The following ANKRD61 variants were observed in gnomAD, a reference collection of about 807,000 sequenced individuals.
ANKRD61 encodes ankyrin repeat domain 61, also known as ankyrin repeat domain-containing protein 61.
Under a neutral mutation model 8.4 loss-of-function variants are expected in ANKRD61, and 7 were observed. The ratio of observed to expected loss-of-function variants is 0.84; its 90% CI spans 0.48 to 1.57. The LOEUF is 1.57. Among genes scored for constraint, ANKRD61 ranks in the 40% most tolerant of loss-of-function variants. The pLI is 0.00. For synonymous variants in ANKRD61, 198 were observed against 208.0 expected, an observed-to-expected ratio of 0.95 and a Z score of 0.41; for missense variants, 516 against 523.4, an observed-to-expected ratio of 0.99 and a Z score of 0.14.
Position 6,031,965 on chromosome 7 carries a change from G to A in ANKRD61, c.216+374G>A, listed in dbSNP as rs181349132. Among the ~76,000 whole-genome samples the A allele has an allele frequency of 6.2e-4, 94 of 152,314 alleles. 2 individuals carry two copies. The East Asian group carries it at 7.5e-3, about 12-fold the overall frequency. On this transcript the variant is annotated intron_variant, in intron 1 of 2. Coordinates refer to ENST00000409061, the MANE Select transcript of ANKRD61 (RefSeq NM_001271700.2). ...GAGGTGGGTGGATCACCTGAGGTCAGGAGTTCGAGACCAGCCTGGCCAGCA... is the reference window on the plus strand; with the variant it reads ...GAGGTGGGTGGATCACCTGAGGTCAAGAGTTCGAGACCAGCCTGGCCAGCA...
chr7:6,034,668 G>A (rs545536624), intron 2 of ANKRD61, among the ~76,000 whole-genome samples: 4 of 152,192 alleles, frequency 2.6e-5, no homozygotes, highest in African/African-American at 4.8e-5. Flanking sequence ...AGGGCCTCAC[G>A]CTAAACAAAT....
chr7:6,032,739 A>T lies in ANKRD61; in HGVS notation c.217-100A>T. ...ACCAGAAAAAGAGTGAGCCAATGAG[A>T]CACTAAATAAATGTATTGCCTTTGA... On this transcript the variant is annotated intron_variant, in intron 1 of 2. Coordinates refer to ENST00000409061, the MANE Select transcript of ANKRD61 (RefSeq NM_001271700.2). The surrounding 1 kb of genome is among the most constrained non-coding windows in gnomAD (Gnocchi z 4.3). 1 of 911,206 alleles carries T rather than the reference A, an allele frequency of 1.1e-6. No homozygotes were observed. Among genetic ancestry groups the T allele is most frequent in the Admixed American group, 2.4e-5 (1 of 42,180 alleles). The allele number at this position is 911,206 out of a possible 1,614,324, so 56.4% of individuals were successfully genotyped here. A position where few individuals can be genotyped will look rare whatever the true frequency, so the allele number is the denominator to read the frequency against.
chr7:6,035,884 G>A lies in ANKRD61; in HGVS notation c.755G>A (p.Arg252Gln), dbSNP rs560649372. ...AVCTASSKAG[R>Q]LLGAGVSCIR... is the part of the protein sequence containing the mutation. ...TGCACTGCATCAAGCAAAGCAGGCCGACTCCTCGGGGCGGGGGTCAGCTGC... is the reference window on the plus strand; with the variant it reads ...TGCACTGCATCAAGCAAAGCAGGCCAACTCCTCGGGGCGGGGGTCAGCTGC... The change falls in exon 3 of 3, where the codon CGA (arginine) becomes CAA (glutamine). Residue 252 changes from arginine to glutamine, a missense_variant. Physicochemically the swap from Arg to Gln is conservative, Grantham distance 43. Transcript: ENST00000409061. This position sits in a 1 kb window ranked among gnomAD's most constrained non-coding sequence, Gnocchi z 5.5. 41 of 1,546,620 alleles carry A rather than the reference G, an allele frequency of 2.7e-5. 1 individual carries two copies. Among genetic ancestry groups the A allele is most frequent in the South Asian group, 3.6e-5 (3 of 83,532 alleles).
At chr7:6,034,584 C>T (rs899734654) in intron 2 of ANKRD61, among the ~76,000 whole-genome samples, 1 of 152,182 alleles carries the variant, frequency 6.6e-6, no homozygotes, top group African/African-American at 2.4e-5. Flanking sequence ...CACTGTTTCA[C>T]GTCTATCTTC....
chr7:6,031,849 C>T (rs1787921114), intron 1 of ANKRD61, among the ~76,000 whole-genome samples: 2 of 152,216 alleles, frequency 1.3e-5, no homozygotes, highest in Admixed American at 1.3e-4. Context: ...AACATACCCA[C>T]AGTGATGATC....
rs988797287 is a variant in ANKRD61 at position 6,035,783 on chromosome 7, A to G, written c.654A>G (p.Glu218=). 1.4e-5 allele frequency: 22 copies of G among 1,551,016 alleles called. No homozygotes were observed. The African/African-American group carries it at 3.0e-4, about 21-fold the overall frequency. The change falls in exon 3 of 3, where the codon GAA becomes GAG. Residue 218 remains glutamate (E), a synonymous_variant. Transcript: ENST00000409061. This position sits in a 1 kb window ranked among gnomAD's most constrained non-coding sequence, Gnocchi z 5.5. ...ACATGCTGAATAAGGAGATGATGGA[A>G]ACGCTCATTGCCTATGGAGCAAACG... The part of the protein sequence containing the change: ...AANMLNKEMM[E]TLIAYGANVN...
chr7:6,031,648 G>C, intron 1 of ANKRD61, 57 bp downstream of exon 1: 2 of 1,508,118 alleles, frequency 1.3e-6, no homozygotes, highest in African/African-American at 1.4e-5. Context: ...TTAGAAAGAA[G>C]CATGATCTAA....
chr7:6,036,350 T>C lies in ANKRD61; in HGVS notation c.1221T>C (p.Ser407=), dbSNP rs1245613077. ...TCCTCCCAGTGACAATATGGAATTCTGTCTACTGCTGTTATGACTTGGCAT... is the reference window on the plus strand; with the variant it reads ...TCCTCCCAGTGACAATATGGAATTCCGTCTACTGCTGTTATGACTTGGCAT... ...KQFLPVTIWN[S]VYCCYDLAYT... is the part of the protein sequence containing the mutation. The change falls in exon 3 of 3, where the codon TCT becomes TCC. Residue 407 remains serine, a synonymous_variant. Transcript: ENST00000409061. This position sits in a 1 kb window ranked among gnomAD's most constrained non-coding sequence, Gnocchi z 4.6. 1 of 1,524,020 alleles carries C rather than the reference T, an allele frequency of 6.6e-7. No homozygotes were observed. Among genetic ancestry groups the C allele is most frequent in the East Asian group, 2.5e-5 (1 of 40,814 alleles). 94.4% of individuals were successfully genotyped at this position (1,524,020 alleles called of 1,614,324 possible). A position where few individuals can be genotyped will look rare whatever the true frequency, so the allele number is the denominator to read the frequency against.
rs12334207 is a variant in ANKRD61, at chr7:6,032,035, T to A, written c.216+444T>A. Among the ~76,000 whole-genome samples, 127,628 of 152,034 alleles carry A rather than the reference T, an allele frequency of 0.84. 54,134 individuals are homozygous for A. The highest frequency in any genetic ancestry group is 0.96 in the African/African-American group (39,833 of 41,504). On this transcript the variant is annotated intron_variant, in intron 1 of 2. Coordinates refer to ENST00000409061, the MANE Select transcript of ANKRD61 (RefSeq NM_001271700.2). This position sits in a 1 kb window ranked among gnomAD's most constrained non-coding sequence, Gnocchi z 4.3. ...CTAAAAATACAAAAATTAGCCGGGC[T>A]TGGTGGCAGGAGCCTGTAATCTCAG...
Position 6,035,591 on chromosome 7 carries a change from G to T in ANKRD61, c.462G>T (p.Ala154=). The T allele has an allele frequency of 6.4e-7, 1 of 1,551,002 alleles. No individual in the cohort carries two copies. The highest frequency in any genetic ancestry group is 1.2e-5 in the South Asian group (1 of 84,054). ...SSITCLRILC[A]HGAQVNTQGE... ...TCACATGTCTCCGCATCTTGTGTGCGCACGGAGCTCAAGTGAACACTCAAG... is the reference window on the plus strand; with the variant it reads ...TCACATGTCTCCGCATCTTGTGTGCTCACGGAGCTCAAGTGAACACTCAAG... The change falls in exon 3 of 3, where the codon GCG becomes GCT. Residue 154 remains alanine (A), a synonymous_variant. Transcript: ENST00000409061. This position sits in a 1 kb window ranked among gnomAD's most constrained non-coding sequence, Gnocchi z 5.5.
intron 1 of ANKRD61, 39 bp downstream of exon 1, chr7:6,031,630 C>G (rs367603916): frequency 1.3e-6 from 2 of 1,542,100 alleles, no homozygotes; most frequent in Non-Finnish European, 8.8e-7. Flanking sequence ...GGAAAAAAGT[C>G]AGGCTGCTTA....
intron 2 of ANKRD61, among the ~76,000 whole-genome samples, chr7:6,034,945 G>C (rs1788033508): frequency 1.3e-5 from 2 of 152,148 alleles, no homozygotes; most frequent in Admixed American, 6.5e-5. Flanking sequence ...GAGCCTCTAA[G>C]AAAGGAGTCA....
intron 2 of ANKRD61, among the ~76,000 whole-genome samples, chr7:6,034,025 TAAG>T (rs1787993318): frequency 6.7e-6 from 1 of 149,534 alleles, no homozygotes; most frequent in Non-Finnish European, 1.5e-5. Context: ...ATGAAAGAAT[TAAG>T]TAGTATAGGC....
In ANKRD61 at chr7:6,036,365, T is replaced by A; in HGVS notation, c.1236T>A (p.Tyr412Ter). 6.6e-7 allele frequency: 1 copy of A among 1,509,340 alleles called. No individual in the cohort carries two copies. Among genetic ancestry groups the A allele is most frequent in the Non-Finnish European group, 8.8e-7 (1 of 1,130,256 alleles). 93.5% of individuals were successfully genotyped at this position (1,509,340 alleles called of 1,614,324 possible). A position where few individuals can be genotyped will look rare whatever the true frequency, so the allele number is the denominator to read the frequency against. The stretch of plus-strand genomic sequence containing the variant: ...TATGGAATTCTGTCTACTGCTGTTA[T>A]GACTTGGCATATACCTCTTGAAATA... ...VTIWNSVYCC[Y>*]DLAYTS The change falls in exon 3 of 3, where the codon TAT (tyrosine) becomes TAA (stop). Residue 412 changes from tyrosine (Y) to a stop codon, truncating the protein, a stop_gained. Transcript: ENST00000409061. LOFTEE classifies it high-confidence loss of function. This position sits in a 1 kb window ranked among gnomAD's most constrained non-coding sequence, Gnocchi z 4.6.
chr7:6,032,994 G>A lies in ANKRD61; in HGVS notation c.314+58G>A, dbSNP rs989924340. ...TTTTTCTTTTTTGTTTTGAGGCAGG[G>A]GTCTCGCTCTGTTGCCCAGGCTGGA... On this transcript the variant is annotated intron_variant, in intron 2 of 2. Transcript: ENST00000409061. The surrounding 1 kb of genome is among the most constrained non-coding windows in gnomAD (Gnocchi z 4.3). 3 of 1,432,332 alleles carry A rather than the reference G, an allele frequency of 2.1e-6. No homozygotes were observed. In the African/African-American group the frequency reaches 4.3e-5, roughly 20 times the overall value. The allele number at this position is 1,432,332 out of a possible 1,614,324, so 88.7% of individuals were successfully genotyped here.
Position 6,035,754 on chromosome 7 carries a change from G to A in ANKRD61, c.625G>A (p.Ala209Thr), listed in dbSNP as rs375041428. The part of the protein sequence containing the change: ...EASMTPLHMA[A>T]NMLNKEMMET... ...CAGCATGACACCCCTTCACATGGCC[G>A]CAAACATGCTGAATAAGGAGATGAT... Residue 209 changes from alanine (A) to threonine (T), a missense_variant, in exon 3 of 3, where the codon GCA becomes ACA. Coordinates refer to ENST00000409061, the MANE Select transcript of ANKRD61 (RefSeq NM_001271700.2). The surrounding 1 kb of genome is among the most constrained non-coding windows in gnomAD (Gnocchi z 5.5). 7 of 1,550,916 alleles carry A rather than the reference G, an allele frequency of 4.5e-6. No individual in the cohort carries two copies. The highest frequency in any genetic ancestry group is 2.7e-5 in the African/African-American group (2 of 73,026).
chr7:6,035,907 T>G lies in ANKRD61; in HGVS notation c.778T>G (p.Cys260Gly), dbSNP rs1275555956. The G allele has an allele frequency of 1.3e-6, 2 of 1,546,662 alleles. No homozygotes were observed. Among genetic ancestry groups the G allele is most frequent in the Admixed American group, 3.9e-5 (2 of 50,784 alleles). Residue 260 changes from cysteine to glycine, a missense_variant, in exon 3 of 3, where the codon TGC becomes GGC. Cys to Gly is a radical substitution (Grantham distance 159, BLOSUM62 -3). Transcript: ENST00000409061. This position sits in a 1 kb window ranked among gnomAD's most constrained non-coding sequence, Gnocchi z 5.5. ...AGRLLGAGVS[C>G]IRLLLTHGAK... The stretch of plus-strand genomic sequence containing the variant: ...CCGACTCCTCGGGGCGGGGGTCAGC[T>G]GCATCCGTCTGCTACTCACTCACGG...
chr7:6,032,738 G>A lies in ANKRD61; in HGVS notation c.217-101G>A. On this transcript the variant is annotated intron_variant, in intron 1 of 2. Coordinates refer to ENST00000409061, the MANE Select transcript of ANKRD61 (RefSeq NM_001271700.2). This position sits in a 1 kb window ranked among gnomAD's most constrained non-coding sequence, Gnocchi z 4.3. ...TACCAGAAAAAGAGTGAGCCAATGA[G>A]ACACTAAATAAATGTATTGCCTTTG... The A allele has an allele frequency of 1.1e-6, 1 of 907,578 alleles. No individual in the cohort carries two copies. The highest frequency in any genetic ancestry group is 1.7e-6 in the Non-Finnish European group (1 of 591,884). 56.2% of individuals were successfully genotyped at this position (907,578 alleles called of 1,614,324 possible).
At position 6,035,644 on chromosome 7, in the gene ANKRD61, T is replaced by C. The variant is rs1353902701; in HGVS notation, c.515T>C (p.Leu172Pro). The change falls in exon 3 of 3, where the codon CTC becomes CCC. Residue 172 changes from leucine (L) to proline (P), a missense_variant. Coordinates refer to ENST00000409061, the MANE Select transcript of ANKRD61 (RefSeq NM_001271700.2). The surrounding 1 kb of genome is among the most constrained non-coding windows in gnomAD (Gnocchi z 5.5). ...GAAATCAGCAACAAACGTTCACCAC[T>C]CCACCTGGCCATAGCATATGGTTGC... is the stretch of plus-strand genomic sequence containing the variant. ...QGEISNKRSP[L>P]HLAIAYGCYP... 1.9e-6 allele frequency: 3 copies of C among 1,550,666 alleles called. No homozygotes were observed. The highest frequency in any genetic ancestry group is 2.6e-6 in the Non-Finnish European group (3 of 1,147,056).
Sources: gnomAD v4.1 joint callset for allele counts (sites outside exome capture counted in the v4.1 genomes callset) on GRCh38, gnomAD v4.1.1 for gene constraint, Gnocchi (gnomAD v3.1) non-coding constraint, MANE v1.5 for transcripts, NCBI Gene and HGNC (gene_info 2026-07-23, HGNC 2026-07-21) for gene names.